The following GRIK3 variants were observed in gnomAD, a reference collection of about 807,000 sequenced individuals.
GRIK3 encodes the protein glutamate ionotropic receptor kainate type subunit 3, also known as glutamate receptor ionotropic, kainate 3.
In GRIK3, 29 loss-of-function variants were observed where a neutral mutation model predicts 102.5. The observed-to-expected ratio is 0.28, with a 90% confidence interval of 0.21 to 0.39. GRIK3 has a LOEUF of 0.39. Ranked by LOEUF, GRIK3 falls within the 10% of genes least tolerant of loss-of-function variation. GRIK3 has a pLI of 1.00. For synonymous variants in GRIK3, 511 were observed against 504.9 expected (o/e 1.01, Z -0.16); for missense variants, 908 against 1,252.4 (o/e 0.73, Z 4.15).
At chr1:36,921,805 A>T in intron 1 of GRIK3, among the ~76,000 whole-genome samples, 1 of 151,996 alleles carries the variant, frequency 6.6e-6, no homozygotes, top group South Asian at 2.1e-4. Context: ...CAGGAGAAGG[A>T]GTTTCCACTG....
chr1:36,873,286 A>C, intron 3 of GRIK3, among the ~76,000 whole-genome samples: 1 of 152,130 alleles, frequency 6.6e-6, no homozygotes, highest in East Asian at 1.9e-4. Context: ...CACACTGAAA[A>C]ATCTATCCTC....
intron 1 of GRIK3, among the ~76,000 whole-genome samples, chr1:36,922,690 G>A (rs936123403): frequency 2.0e-5 from 3 of 152,166 alleles, no homozygotes; most frequent in East Asian, 1.9e-4. Context: ...TGGACTTCAC[G>A]TAGACTTTCT....
intron 9 of GRIK3, among the ~76,000 whole-genome samples, chr1:36,844,658 T>C (rs540641358): frequency 1.0e-3 from 156 of 152,302 alleles, no homozygotes; most frequent in African/African-American, 3.6e-3. Flanking sequence ...TAATAGAACC[T>C]GCCTTACAAG....
intron 8 of GRIK3, among the ~76,000 whole-genome samples, chr1:36,851,642 G>A (rs893564911): frequency 2.0e-5 from 3 of 152,264 alleles, no homozygotes; most frequent in Non-Finnish European, 2.9e-5. Flanking sequence ...TGTGAGGCCA[G>A]TTAGGACTGA....
rs58952568 is a variant in GRIK3 at position 36,858,622 on chromosome 1, A to G, written c.1104+486T>C. On this transcript the variant is annotated intron_variant, in intron 7 of 15. Coordinates refer to ENST00000373091, the MANE Select transcript of GRIK3 (RefSeq NM_000831.4). ...GGCTGGGAAGTTGGTCAGTGGGCCC[A>G]TGATGTGAAGATGAGTTTGTGGGGC... Among the ~76,000 whole-genome samples, 599 of 152,288 alleles carry G rather than the reference A, an allele frequency of 3.9e-3. 8 individuals carry two copies. Among genetic ancestry groups the G allele is most frequent in the African/African-American group, 0.014 (567 of 41,562 alleles).
At chr1:36,968,819 C>T (rs762062484) in intron 1 of GRIK3, among the ~76,000 whole-genome samples, 14 of 152,186 alleles carry the variant, frequency 9.2e-5, no homozygotes, top group Admixed American at 2.6e-4. Flanking sequence ...ATGTGCCTGT[C>T]GGGACAGCAC....
rs560310386 is a variant in GRIK3 at position 36,913,299 on chromosome 1, C to T, written c.116-22203G>A. On this transcript the variant is annotated intron_variant, in intron 1 of 15. Transcript: ENST00000373091. Reference sequence around the variant, plus strand: ...GCCAGCCTGCCCACCCACAGACCTGCCCTGAGAAAGCCAGAAGGCCCAATC... The same window carrying T: ...GCCAGCCTGCCCACCCACAGACCTGTCCTGAGAAAGCCAGAAGGCCCAATC... Among the ~76,000 whole-genome samples, 7 of 152,300 alleles carry T rather than the reference C, an allele frequency of 4.6e-5. 1 individual carries two copies. In the South Asian group the frequency reaches 1.5e-3, roughly 32 times the overall value.
intron 1 of GRIK3, among the ~76,000 whole-genome samples, chr1:37,010,803 G>A (rs935794360): frequency 7.6e-5 from 11 of 145,246 alleles, no homozygotes; most frequent in South Asian, 4.3e-4. Flanking sequence ...CTGCAGTGGC[G>A]CAATCTCGGC....
At chr1:36,996,711 G>C (rs1642423011) in intron 1 of GRIK3, among the ~76,000 whole-genome samples, 1 of 152,218 alleles carries the variant, frequency 6.6e-6, no homozygotes, top group African/African-American at 2.4e-5. Context: ...GGGAACAGCG[G>C]TGTCTCTGTC....
At chr1:37,022,008 G>C (rs1320440278) in intron 1 of GRIK3, among the ~76,000 whole-genome samples, 1 of 152,186 alleles carries the variant, frequency 6.6e-6, no homozygotes, top group African/African-American at 2.4e-5. Context: ...CTCCTGCAAG[G>C]ACACAAAAAC....
rs183970481 is a variant in GRIK3, at chr1:36,926,308, C to T, written c.116-35212G>A. Among the ~76,000 whole-genome samples the T allele has an allele frequency of 4.6e-5, 7 of 152,280 alleles. No individual in the cohort carries two copies. In the East Asian group the frequency reaches 1.4e-3, roughly 29 times the overall value. On this transcript the variant is annotated intron_variant, in intron 1 of 15. Transcript: ENST00000373091. ...GCAATTGGGGAGGTGAAGTCCAAGGCTTCAGGTGAGCTTCACAGTTCATGA... is the reference window on the plus strand; with the variant it reads ...GCAATTGGGGAGGTGAAGTCCAAGGTTTCAGGTGAGCTTCACAGTTCATGA...
intron 1 of GRIK3, among the ~76,000 whole-genome samples, chr1:36,945,322 G>A (rs185211988): frequency 1.3e-5 from 2 of 152,372 alleles, no homozygotes; most frequent in East Asian, 3.9e-4. Context: ...TGGAGGTTGT[G>A]GGGAGTGAAG....
At chr1:36,933,157 C>G (rs1641615402) in intron 1 of GRIK3, among the ~76,000 whole-genome samples, 1 of 152,188 alleles carries the variant, frequency 6.6e-6, no homozygotes, top group African/African-American at 2.4e-5. Context: ...TCTCTGCTTT[C>G]TAAACAGTCT....
At chr1:37,009,560 A>T (rs1490748800) in intron 1 of GRIK3, among the ~76,000 whole-genome samples, 1 of 152,086 alleles carries the variant, frequency 6.6e-6, no homozygotes, top group Non-Finnish European at 1.5e-5. Context: ...AATCCACAGC[A>T]CTGGGGCTGA....
At chr1:36,999,469 T>C (rs1373834183) in intron 1 of GRIK3, among the ~76,000 whole-genome samples, 1 of 152,078 alleles carries the variant, frequency 6.6e-6, no homozygotes, top group Non-Finnish European at 1.5e-5. Context: ...AAAGGTCCTT[T>C]CTGGAAAGGA....
chr1:36,942,585 T>A (rs1169756030), intron 1 of GRIK3, among the ~76,000 whole-genome samples: 1 of 151,920 alleles, frequency 6.6e-6, no homozygotes, highest in Non-Finnish European at 1.5e-5. Context: ...CCTCCACCCT[T>A]TGACCGCAGG....
At chr1:36,824,229 C>T (rs896863772) in intron 11 of GRIK3, among the ~76,000 whole-genome samples, 2 of 152,164 alleles carry the variant, frequency 1.3e-5, no homozygotes, top group Non-Finnish European at 2.9e-5. Context: ...GGACACACAT[C>T]AAAAGGGCAG....
chr1:37,032,931 G>A (rs1233140584), intron 1 of GRIK3, among the ~76,000 whole-genome samples: 1 of 152,224 alleles, frequency 6.6e-6, no homozygotes, highest in Non-Finnish European at 1.5e-5. Flanking sequence ...AAGAGCTGTA[G>A]AGGAGGAAGG....
chr1:36,948,517 A>G (rs1641808438), intron 1 of GRIK3, among the ~76,000 whole-genome samples: 1 of 152,156 alleles, frequency 6.6e-6, no homozygotes, highest in Non-Finnish European at 1.5e-5. Context: ...CTGAGCATCA[A>G]AGAAAGAGGC....
Sources: allele counts gnomAD v4.1 joint callset (sites outside exome capture counted in the v4.1 genomes callset), GRCh38; gene constraint gnomAD v4.1.1; transcripts MANE v1.5; gene names NCBI Gene and HGNC (gene_info 2026-07-23, HGNC 2026-07-21).